Variants in CAMTA1 observed in about 807,000 individuals in gnomAD.
CAMTA1 encodes the protein calmodulin binding transcription activator 1.
Under a neutral mutation model 170.9 loss-of-function variants are expected in CAMTA1, and 27 were observed. The ratio of observed to expected loss-of-function variants is 0.16; its 90% CI spans 0.12 to 0.22. The LOEUF (loss-of-function observed/expected upper bound fraction) is 0.22, where lower values mean the gene tolerates loss of function less well. Ranked by LOEUF, CAMTA1 falls within the 10% of genes least tolerant of loss-of-function variation. The probability of loss-of-function intolerance (pLI) is 1.00; values close to 1 mark genes in which losing one functional copy is unlikely to be tolerated. For missense variants in CAMTA1, 1,619 were observed against 2,217.2 expected (o/e 0.73, Z 5.42); for synonymous variants, 833 against 891.5 (o/e 0.93, Z 1.17).
At chr1:7,410,303 T>C (rs2090620074) in intron 5 of CAMTA1, among the ~76,000 whole-genome samples, 1 of 152,166 alleles carries the variant, frequency 6.6e-6, no homozygotes, top group Non-Finnish European at 1.5e-5. Context: ...CTGGTGGACA[T>C]GGGGCCCAGG....
intron 6 of CAMTA1, among the ~76,000 whole-genome samples, chr1:7,601,565 G>C (rs1301820599): frequency 2.6e-5 from 4 of 152,346 alleles, no homozygotes; most frequent in Non-Finnish European, 5.9e-5. Flanking sequence ...CTGCAATCTC[G>C]GCACTTTGGG....
At chr1:7,267,477 T>C (rs529428173) in intron 5 of CAMTA1, among the ~76,000 whole-genome samples, 19 of 152,272 alleles carry the variant, frequency 1.2e-4, no homozygotes, top group African/African-American at 4.3e-4. Context: ...CCCTGGAGTT[T>C]GTGCCTCTAT....
chr1:7,680,181 T>C lies in CAMTA1; in HGVS notation c.2914+2448T>C, dbSNP rs1351482066. The C allele has an allele frequency of 3.7e-6, 1 of 267,800 alleles. No individual in the cohort carries two copies. Among genetic ancestry groups the C allele is most frequent in the Admixed American group, 3.9e-5 (1 of 25,550 alleles). The allele number at this position is 267,800 out of a possible 1,614,324, so 16.6% of individuals were successfully genotyped here. On this transcript the variant is annotated intron_variant, in intron 11 of 22. Coordinates refer to ENST00000303635, the MANE Select transcript of CAMTA1 (RefSeq NM_015215.4). This position sits in a 1 kb window ranked among gnomAD's most constrained non-coding sequence, Gnocchi z 4.4. ...AGCCACGGGGCCTGGCCATGAACTT[T>C]GCGTCCGGGCCAATGCTGCAGTGGC...
At chr1:6,816,579 G>A (rs943431634) in intron 1 of CAMTA1, among the ~76,000 whole-genome samples, 5 of 152,202 alleles carry the variant, frequency 3.3e-5, no homozygotes, top group Admixed American at 3.3e-4. Context: ...AGCGGGGGAG[G>A]TGCTTGAAGA....
chr1:6,995,710 T>C (rs1697152603), intron 3 of CAMTA1, among the ~76,000 whole-genome samples: 1 of 152,156 alleles, frequency 6.6e-6, no homozygotes, highest in Admixed American at 6.5e-5. Flanking sequence ...AAAGAAAGCT[T>C]GTTACAATTC....
rs1408689456 is a variant in CAMTA1, at chr1:7,434,291, C to G, written c.439-33539C>G. ...AAAAAATTGCAGGATACAGGAGCCA[C>G]GGGGAGCATGGCAGTAAGGACAGCT... On this transcript the variant is annotated intron_variant, in intron 5 of 22. Transcript: ENST00000303635. Among the ~76,000 whole-genome samples, 3 of 152,218 alleles carry G rather than the reference C, an allele frequency of 2.0e-5. No homozygotes were observed. In the East Asian group the frequency reaches 5.8e-4, roughly 29 times the overall value.
chr1:6,880,438 G>A (rs547770078), intron 3 of CAMTA1, among the ~76,000 whole-genome samples: 1 of 138,254 alleles, frequency 7.2e-6, no homozygotes, highest in South Asian at 2.3e-4. Context: ...TGCCTAGGCT[G>A]GAGTGCAATA....
chr1:6,961,716 TTCATTC>T (rs1005076762), intron 3 of CAMTA1, among the ~76,000 whole-genome samples: 2 of 152,226 alleles, frequency 1.3e-5, no homozygotes, highest in Non-Finnish European at 2.9e-5. Flanking sequence ...TCCAAGCCCA[TTCATTC>T]TCGGTCTCCA....
chr1:6,841,346 G>T (rs556454857), intron 3 of CAMTA1, among the ~76,000 whole-genome samples: 3 of 152,182 alleles, frequency 2.0e-5, no homozygotes, highest in South Asian at 4.1e-4. Flanking sequence ...GGGGATTAGG[G>T]TGTGTATATC....
intron 3 of CAMTA1, among the ~76,000 whole-genome samples, chr1:6,946,219 G>A (rs754013813): frequency 6.6e-6 from 1 of 150,484 alleles, no homozygotes; most frequent in Non-Finnish European, 1.5e-5. Context: ...TAGAGACAAG[G>A]TCTCAATCTG....
At chr1:7,189,644 C>T (rs973863435) in intron 4 of CAMTA1, among the ~76,000 whole-genome samples, 2 of 152,138 alleles carry the variant, frequency 1.3e-5, no homozygotes, top group South Asian at 2.1e-4. Context: ...TAGATGTTGG[C>T]GTGGATGCAG....
chr1:6,916,182 C>G (rs951389054), intron 3 of CAMTA1, among the ~76,000 whole-genome samples: 1 of 152,152 alleles, frequency 6.6e-6, no homozygotes, highest in African/African-American at 2.4e-5. Flanking sequence ...TGGGAATCCT[C>G]AGGACCACAG....
At chr1:7,016,971 C>G (rs1042168731) in intron 3 of CAMTA1, among the ~76,000 whole-genome samples, 1 of 152,230 alleles carries the variant, frequency 6.6e-6, no homozygotes, top group African/African-American at 2.4e-5. Context: ...TCCCTGCCTA[C>G]TCACCTTTCT....
chr1:7,467,600 G>C (rs950128643), intron 5 of CAMTA1, among the ~76,000 whole-genome samples: 1 of 152,068 alleles, frequency 6.6e-6, no homozygotes, highest in South Asian at 2.1e-4. Context: ...GGAGGGTAAG[G>C]CCCCAGCTGC....
chr1:7,159,883 C>T (rs116722360), intron 4 of CAMTA1, among the ~76,000 whole-genome samples: 2,397 of 152,234 alleles, frequency 0.016, 57 homozygotes, highest in African/African-American at 0.054. Flanking sequence ...CTTGCCCCTC[C>T]GTGCCTACTT....
intron 3 of CAMTA1, among the ~76,000 whole-genome samples, chr1:7,070,148 CT>C (rs1638436207): frequency 6.6e-6 from 1 of 152,222 alleles, no homozygotes; most frequent in South Asian, 2.1e-4. Context: ...GCCTCAGGGG[CT>C]GCACTGGCCT....
intron 3 of CAMTA1, among the ~76,000 whole-genome samples, chr1:6,911,573 C>A (rs535385075): frequency 6.6e-6 from 1 of 152,256 alleles, no homozygotes; most frequent in South Asian, 2.1e-4. Flanking sequence ...TGTAAATGAT[C>A]TTCATGTTTG....
intron 11 of CAMTA1, chr1:7,698,997 C>G (rs2096409225): frequency 6.6e-6 from 1 of 152,216 alleles, no homozygotes. Context: ...ACTCTCCTGA[C>G]CTGGGCCTAG....
chr1:7,279,877 A>G (rs1163424386), intron 5 of CAMTA1, among the ~76,000 whole-genome samples: 3 of 152,186 alleles, frequency 2.0e-5, no homozygotes, highest in South Asian at 2.1e-4. Context: ...CCAAAAAAAA[A>G]GAACTTGCCA....
Sources: allele counts gnomAD v4.1 joint callset (sites outside exome capture counted in the v4.1 genomes callset), GRCh38; gene constraint gnomAD v4.1.1; non-coding constraint Gnocchi (gnomAD v3.1); transcripts MANE v1.5; gene names NCBI Gene and HGNC (gene_info 2026-07-23, HGNC 2026-07-21).